Variants in B3GAT2 observed in about 807,000 individuals in gnomAD.
The protein encoded by B3GAT2 is beta-1,3-glucuronyltransferase 2, also known as galactosylgalactosylxylosylprotein 3-beta-glucuronosyltransferase 2.
In B3GAT2, 26 loss-of-function variants were observed where a neutral mutation model predicts 27.8. That is an observed-to-expected ratio of 0.93 (90% CI 0.68 to 1.30). The LOEUF (loss-of-function observed/expected upper bound fraction) is 1.30, where lower values mean the gene tolerates loss of function less well. B3GAT2 is among the 50% of genes most tolerant of loss of function. The pLI is 0.00. For synonymous variants in B3GAT2, 218 were observed against 195.1 expected (o/e 1.12, Z -0.98); for missense variants, 458 against 459.0 (o/e 1.00, Z 0.02).
chr6:70,949,303 T>C, intron 1 of B3GAT2, among the ~76,000 whole-genome samples: 1 of 152,022 alleles, frequency 6.6e-6, no homozygotes, highest in East Asian at 1.9e-4. Context: ...CGCAACCTAC[T>C]CATCTGACAA....
chr6:70,862,411 G>A (rs1771772916), intron 2 of B3GAT2, among the ~76,000 whole-genome samples: 1 of 152,116 alleles, frequency 6.6e-6, no homozygotes, highest in South Asian at 2.1e-4. Context: ...TATTAATTAT[G>A]TATGCTTCCT....
intron 1 of B3GAT2, among the ~76,000 whole-genome samples, chr6:70,938,438 A>G (rs1169384993): frequency 6.6e-6 from 1 of 152,068 alleles, no homozygotes; most frequent in Non-Finnish European, 1.5e-5. Context: ...AAGAGCCCAC[A>G]TCGTCAAGTC....
rs534598813 is a variant in B3GAT2, at chr6:70,956,159, G to A, written c.271C>T (p.Arg91Cys). 6.2e-7 allele frequency: 1 copy of A among 1,608,026 alleles called. No individual in the cohort carries two copies. The highest frequency in any genetic ancestry group is 2.2e-5 in the East Asian group (1 of 44,746). ...TIYAITPTYSRPVQKAELTRL... is the reference protein window; with the variant it reads ...TIYAITPTYSCPVQKAELTRL... ...GTCAGCTCCGCTTTCTGCACCGGGC[G>A]GCTGTAGGTGGGCGTGATGGCATAG... The change falls in exon 1 of 4, where the codon CGC becomes TGC. Residue 91 changes from arginine (R) to cysteine (C), a missense_variant. Arg to Cys is a radical substitution (Grantham distance 180). Coordinates refer to ENST00000230053, the MANE Select transcript of B3GAT2 (RefSeq NM_080742.3).
At chr6:70,935,139 A>G (rs1037201407) in intron 1 of B3GAT2, among the ~76,000 whole-genome samples, 58 of 152,148 alleles carry the variant, frequency 3.8e-4, no homozygotes, top group African/African-American at 1.3e-3. Flanking sequence ...GAAAAAAAAA[A>G]GAGCAATATA....
intron 1 of B3GAT2, among the ~76,000 whole-genome samples, chr6:70,899,654 G>A (rs2150034050): frequency 6.6e-6 from 1 of 152,276 alleles, no homozygotes. Context: ...CTTCATCACA[G>A]AATTAGCCCC....
chr6:70,956,480 G>A lies in B3GAT2; in HGVS notation c.-51C>T, dbSNP rs1300218848. The A allele has an allele frequency of 7.8e-6, 12 of 1,548,212 alleles. No individual in the cohort carries two copies. In the Admixed American group the frequency reaches 1.6e-4, roughly 20 times the overall value. On this transcript the variant is annotated 5_prime_UTR_variant, in exon 1 of 4. Transcript: ENST00000230053. ...CACCCCAGAGAGGGGCGAGCCGAGG[G>A]ACCCCAGTGCGCAGCTTGGACAGCG...
chr6:70,902,749 A>G (rs1279129434), intron 1 of B3GAT2, among the ~76,000 whole-genome samples: 1 of 151,880 alleles, frequency 6.6e-6, no homozygotes, highest in Admixed American at 6.6e-5. Flanking sequence ...ACAACATAAA[A>G]AAACTGGGAA....
At chr6:70,869,467 T>C (rs530803235) in intron 2 of B3GAT2, among the ~76,000 whole-genome samples, 19 of 152,330 alleles carry the variant, frequency 1.2e-4, no homozygotes, top group East Asian at 3.9e-4. Context: ...AAAGATTGCA[T>C]TGAATCTGTA....
intron 2 of B3GAT2, among the ~76,000 whole-genome samples, chr6:70,891,352 T>C (rs1466107580): frequency 1.3e-5 from 2 of 152,218 alleles, no homozygotes; most frequent in East Asian, 1.9e-4. Context: ...TATCCTCCAA[T>C]GGAACAGAAA....
At chr6:70,932,356 C>T (rs546644678) in intron 1 of B3GAT2, among the ~76,000 whole-genome samples, 5 of 152,040 alleles carry the variant, frequency 3.3e-5, no homozygotes, top group Non-Finnish European at 4.4e-5. Flanking sequence ...ATATTGGTAC[C>T]AGTATTATTC....
intron 1 of B3GAT2, among the ~76,000 whole-genome samples, chr6:70,922,241 TAAAAG>T (rs1276476494): frequency 2.0e-5 from 3 of 152,148 alleles, no homozygotes; most frequent in Non-Finnish European, 2.9e-5. Context: ...ATTTAAAAGG[TAAAAG>T]AAAAGTCTTC....
At position 70,956,842 on chromosome 6, in the gene B3GAT2, C is replaced by A. The variant is rs62420337; in HGVS notation, c.-413G>T. The A allele has an allele frequency of 8.2e-5, 85 of 1,041,366 alleles. No homozygotes were observed. Among genetic ancestry groups the A allele is most frequent in the Non-Finnish European group, 9.2e-5 (80 of 866,292 alleles). 64.5% of individuals were successfully genotyped at this position (1,041,366 alleles called of 1,614,324 possible). On this transcript the variant is annotated 5_prime_UTR_variant, in exon 1 of 4. Coordinates refer to ENST00000230053, the MANE Select transcript of B3GAT2 (RefSeq NM_080742.3). Reference sequence around the variant, plus strand: ...CGCTCCAGTCCGGCGGTGCTGCGGGCACAAGGGCTCCAGCCGCGGGCCCCC... The same window carrying A: ...CGCTCCAGTCCGGCGGTGCTGCGGGAACAAGGGCTCCAGCCGCGGGCCCCC...
intron 1 of B3GAT2, among the ~76,000 whole-genome samples, chr6:70,946,436 C>T (rs1765484974): frequency 6.6e-6 from 1 of 151,898 alleles, no homozygotes; most frequent in Non-Finnish European, 1.5e-5. Flanking sequence ...CAATCCTAGT[C>T]TCTGATAAAA....
chr6:70,950,824 A>G (rs1417237050), intron 1 of B3GAT2, among the ~76,000 whole-genome samples: 1 of 152,236 alleles, frequency 6.6e-6, no homozygotes, highest in Non-Finnish European at 1.5e-5. Flanking sequence ...TAAAACCCTA[A>G]GGGTACTTCT....
intron 2 of B3GAT2, among the ~76,000 whole-genome samples, chr6:70,879,183 TTTGTTTTTG>T (rs1020278804): frequency 1.5e-5 from 2 of 131,992 alleles, no homozygotes; most frequent in African/African-American, 4.9e-5. Context: ...CTTAAGTGAC[TTTGTTTTTG>T]TTGTTGTTGT....
chr6:70,950,630 A>C (rs10455716), intron 1 of B3GAT2, among the ~76,000 whole-genome samples: 1 of 152,094 alleles, frequency 6.6e-6, no homozygotes, highest in East Asian at 1.9e-4. Flanking sequence ...AAAAACGGGG[A>C]TACTGATTAT....
intron 1 of B3GAT2, among the ~76,000 whole-genome samples, chr6:70,902,619 T>TAC (rs1216302243): frequency 4.8e-4 from 25 of 51,654 alleles, no homozygotes; most frequent in African/African-American, 1.4e-3. Context: ...GAAAATGGGA[T>TAC]ATATATATAT....
Position 70,956,957 on chromosome 6 carries a change from G to A in B3GAT2, c.-528C>T. The A allele has an allele frequency of 9.9e-7, 1 of 1,013,840 alleles. No individual in the cohort carries two copies. Among genetic ancestry groups the A allele is most frequent in the African/African-American group, 1.7e-5 (1 of 57,508 alleles). 62.8% of individuals were successfully genotyped at this position (1,013,840 alleles called of 1,614,324 possible). On this transcript the variant is annotated 5_prime_UTR_variant, in exon 1 of 4. Transcript: ENST00000230053. ...CCCGCCGGGGTGGCGAGGAGCGGGTGGAGACGCTGGGGGTTGTGTCCCGGC... is the reference window on the plus strand; with the variant it reads ...CCCGCCGGGGTGGCGAGGAGCGGGTAGAGACGCTGGGGGTTGTGTCCCGGC...
intron 2 of B3GAT2, among the ~76,000 whole-genome samples, chr6:70,863,592 C>CA (rs1258957763): frequency 1.3e-5 from 2 of 152,092 alleles, no homozygotes; most frequent in Non-Finnish European, 2.9e-5. Flanking sequence ...GGACACTGGC[C>CA]AACTCATTTA....
Sources: gnomAD v4.1 joint callset for allele counts (sites outside exome capture counted in the v4.1 genomes callset) on GRCh38, gnomAD v4.1.1 for gene constraint, MANE v1.5 for transcripts, NCBI Gene and HGNC (gene_info 2026-07-23, HGNC 2026-07-21) for gene names.